Variants in SI observed in about 807,000 individuals in gnomAD.
SI encodes the protein sucrase-isomaltase, intestinal.
SI carries 235 observed loss-of-function variants against 253.3 expected under a neutral mutation model. The observed-to-expected ratio is 0.93, with a 90% CI of 0.83 to 1.03. The LOEUF is 1.03. SI is among the 50% of genes least tolerant of loss of function. The pLI is 0.00. For missense variants in SI, 2,442 were observed against 2,211.1 expected, an observed-to-expected ratio of 1.10 and a Z score of -2.09; for synonymous variants, 819 against 712.0, an observed-to-expected ratio of 1.15 and a Z score of -2.39.
At chr3:165,074,377 C>G (rs1210943422) in intron 3 of SI, 154 bp downstream of exon 3, 2 of 424,770 alleles carry the variant, frequency 4.7e-6, no homozygotes, top group Admixed American at 4.2e-5. Flanking sequence ...CTTCTATTAT[C>G]TATCATTTTT....
At chr3:165,060,819 T>G (rs1713949297) in intron 9 of SI, among the ~76,000 whole-genome samples, 1 of 146,760 alleles carries the variant, frequency 6.8e-6, no homozygotes, top group Non-Finnish European at 1.5e-5. Context: ...ATACATATCA[T>G]ATATATATTA....
At chr3:165,063,885 ATGATGAAACCC>A (rs1377363166) in intron 7 of SI, among the ~76,000 whole-genome samples, 1 of 146,686 alleles carries the variant, frequency 6.8e-6, no homozygotes, top group Non-Finnish European at 1.5e-5. Context: ...CCTGGCTAAC[ATGATGAAACCC>A]TGTTTCTACT....
At chr3:165,029,767 A>C (rs778255133) in intron 25 of SI, among the ~76,000 whole-genome samples, 1 of 150,382 alleles carries the variant, frequency 6.6e-6, no homozygotes, top group African/African-American at 2.4e-5. Flanking sequence ...TAAAGTTAGC[A>C]TACTTTGAAT....
In SI at chr3:165,035,223, A is replaced by T. The variant is rs79724385; in HGVS notation, c.2515+1166T>A. Among the ~76,000 whole-genome samples the T allele has an allele frequency of 1.1e-3, 160 of 152,146 alleles. 2 individuals carry two copies. In the East Asian group the frequency reaches 0.03, roughly 29 times the overall value. ...GTTTGGAGATATAAATTTGAAAGTCAGGTAAATGGTATAAAAGACTACATT... is the reference window on the plus strand; with the variant it reads ...GTTTGGAGATATAAATTTGAAAGTCTGGTAAATGGTATAAAAGACTACATT... On this transcript the variant is annotated intron_variant, in intron 22 of 47. Transcript: ENST00000264382.
intron 37 of SI, among the ~76,000 whole-genome samples, chr3:165,000,856 A>G (rs935072210): frequency 6.6e-5 from 10 of 151,382 alleles, no homozygotes; most frequent in African/African-American, 2.2e-4. Flanking sequence ...TTGACATTGG[A>G]GAGTTCAGCT....
In SI at chr3:165,059,305, A is replaced by T. The variant is rs146539849; in HGVS notation, c.1147-6T>A. ...ATATCAGTGACCTGTGTATCCTGAA[A>T]GTTAGAAGATTGTATTTCAATACAT... is the stretch of plus-strand genomic sequence containing the variant. On this transcript the variant is annotated splice_polypyrimidine_tract_variant and splice_region_variant and intron_variant, in intron 10 of 47. Transcript: ENST00000264382. 1.4e-4 allele frequency: 229 copies of T among 1,611,746 alleles called. 1 individual carries two copies. The East Asian group carries it at 5.0e-3, about 35-fold the overall frequency.
At chr3:165,047,318 A>G (rs1336923011) in intron 15 of SI, among the ~76,000 whole-genome samples, 2 of 152,016 alleles carry the variant, frequency 1.3e-5, no homozygotes, top group African/African-American at 4.8e-5. Context: ...GCCTGCTGCC[A>G]TCCACCTAAG....
chr3:165,014,010 T>A (rs1393013854), intron 33 of SI, among the ~76,000 whole-genome samples: 3 of 152,138 alleles, frequency 2.0e-5, no homozygotes, highest in African/African-American at 7.2e-5. Context: ...TACATGCATG[T>A]GCCACTGTGC....
chr3:164,992,129 T>C lies in SI; in HGVS notation c.4983+48A>G, dbSNP rs201575687. 1.6e-3 allele frequency: 2,362 copies of C among 1,463,678 alleles called. 8 individuals carry two copies. Among genetic ancestry groups the C allele is most frequent in the South Asian group, 2.6e-3 (233 of 87,934 alleles). 90.7% of individuals were successfully genotyped at this position (1,463,678 alleles called of 1,614,324 possible). A position where few individuals can be genotyped will look rare whatever the true frequency, so the allele number is the denominator to read the frequency against. On this transcript the variant is annotated intron_variant, in intron 43 of 47. Coordinates refer to ENST00000264382, the MANE Select transcript of SI (RefSeq NM_001041.4). ...TAATGAAAAGGCTAGGGCCAAACAA[T>C]TACCCGTTTCTGTTTAGTTAATTCC...
intron 38 of SI, 74 bp downstream of exon 38, chr3:164,998,466 T>C: frequency 4.1e-6 from 6 of 1,477,396 alleles, no homozygotes; most frequent in Non-Finnish European, 5.7e-6. Flanking sequence ...ATAAATGTTA[T>C]GACCTAGCAC....
At chr3:165,081,690 G>A (rs1715331836), upstream of SI, among the ~76,000 whole-genome samples, 1 of 151,928 alleles carries the variant, frequency 6.6e-6, no homozygotes, top group Non-Finnish European at 1.5e-5. Flanking sequence ...GAAAAAACTA[G>A]AAAGAAAACA....
At chr3:165,075,344 GA>G (rs1714886302) in intron 2 of SI, among the ~76,000 whole-genome samples, 1 of 151,902 alleles carries the variant, frequency 6.6e-6, no homozygotes, top group Admixed American at 6.6e-5. Context: ...AGAGAATAAT[GA>G]AGAAAGAGAT....
intron 8 of SI, among the ~76,000 whole-genome samples, chr3:165,062,847 T>G (rs1306094007): frequency 2.0e-5 from 3 of 152,116 alleles, no homozygotes; most frequent in Non-Finnish European, 4.4e-5. Context: ...AAAGATCAAG[T>G]TATCACATAT....
rs1215683309 is a variant in SI, at chr3:164,997,220, A to G, written c.4541-448T>C. Among the ~76,000 whole-genome samples, 6 of 151,830 alleles carry G rather than the reference A, an allele frequency of 4.0e-5. 1 individual carries two copies. In the South Asian group the frequency reaches 8.3e-4, roughly 21 times the overall value. ...AAACAAATCCTTTAAGGAGTAATCA[A>G]TTCTATAAAATACAATGAATATGAT... On this transcript the variant is annotated intron_variant, in intron 38 of 47. Coordinates refer to ENST00000264382, the MANE Select transcript of SI (RefSeq NM_001041.4).
At chr3:165,054,144 T>G (rs2108240325) in intron 13 of SI, among the ~76,000 whole-genome samples, 1 of 152,258 alleles carries the variant, frequency 6.6e-6, no homozygotes, top group African/African-American at 2.4e-5. Flanking sequence ...TTGATTGATT[T>G]AATAAATAAG....
chr3:165,073,863 A>G (rs1213982452), intron 3 of SI, among the ~76,000 whole-genome samples: 1 of 152,120 alleles, frequency 6.6e-6, no homozygotes, highest in Non-Finnish European at 1.5e-5. Context: ...GTTATATGCA[A>G]ATACTGCCAT....
chr3:165,017,967 T>C lies in SI; in HGVS notation c.3520+3A>G. On this transcript the variant is annotated splice_donor_region_variant and intron_variant, in intron 29 of 47. Transcript: ENST00000264382. The stretch of plus-strand genomic sequence containing the variant: ...AGAGACATTCAACAAATGATTGTTT[T>C]ACCCATTGCATTGCTGTTGAGTAAG... The C allele has an allele frequency of 1.9e-6, 3 of 1,602,856 alleles. No homozygotes were observed. Among genetic ancestry groups the C allele is most frequent in the South Asian group, 1.1e-5 (1 of 90,824 alleles).
rs891781083 is a variant in SI at position 165,031,347 on chromosome 3, TTA to T, written c.2737-482_2737-481del. ...GGTATACACAGCAGAATTATGAAGATTATATATATATAATATATATATATTTA... is the reference window on the plus strand; with the variant it reads ...GGTATACACAGCAGAATTATGAAGATTATATATATAATATATATATATTTA... On this transcript the variant is annotated intron_variant, in intron 24 of 47. Transcript: ENST00000264382. 1.3e-4 allele frequency among the ~76,000 whole-genome samples: 19 copies of T among 147,426 alleles called. No individual in the cohort carries two copies. In the East Asian group the frequency reaches 1.6e-3, roughly 12 times the overall value.
the SI span, among the ~76,000 whole-genome samples, chr3:165,086,125 A>C: frequency 1.3e-5 from 2 of 151,968 alleles, no homozygotes; most frequent in African/African-American, 2.4e-5. Flanking sequence ...ATGGTGGTGC[A>C]CACCTGTAAT....
Sources: gnomAD v4.1 joint callset for allele counts (sites outside exome capture counted in the v4.1 genomes callset) on GRCh38, gnomAD v4.1.1 for gene constraint, MANE v1.5 for transcripts, NCBI Gene and HGNC (gene_info 2026-07-23, HGNC 2026-07-21) for gene names.